The following TMEM181 variants were observed in gnomAD, a reference collection of about 807,000 sequenced individuals.
TMEM181 encodes G protein-coupled receptor 178.
TMEM181 carries 39 observed loss-of-function variants against 71.9 expected under a neutral mutation model. The ratio of observed to expected loss-of-function variants is 0.54; its 90% CI spans 0.42 to 0.71. The LOEUF (loss-of-function observed/expected upper bound fraction) is 0.71. Among genes scored for constraint, TMEM181 ranks in the 30% least tolerant of loss-of-function variants. The pLI, the probability that TMEM181 is intolerant of heterozygous loss-of-function variation, is 0.00. For missense variants in TMEM181, 595 were observed against 583.0 expected, an observed-to-expected ratio of 1.02 and a Z score of -0.21; for synonymous variants, 245 against 228.8, an observed-to-expected ratio of 1.07 and a Z score of -0.64.
chr6:158,544,186 T>A (rs369852942), intron 1 of TMEM181, among the ~76,000 whole-genome samples: 53 of 107,258 alleles, frequency 4.9e-4, no homozygotes, highest in Middle Eastern at 4.4e-3. Context: ...GGAGAGAGTG[T>A]GTGTGTGTGT....
rs368125150 is a variant in TMEM181, at chr6:158,629,849, C to A, written c.1282+30C>A. ...GCCACCCTGGGGTCTGGACTGCTGG[C>A]CAGTTAGCGGGCACAGAGGCCTGTG... is the stretch of plus-strand genomic sequence containing the variant. On this transcript the variant is annotated intron_variant, in intron 15 of 16. Transcript: ENST00000684151. 737 of 1,581,522 alleles carry A rather than the reference C, an allele frequency of 4.7e-4. 2 individuals carry two copies. The highest frequency in any genetic ancestry group is 2.3e-3 in the South Asian group (209 of 90,454).
intron 1 of TMEM181, among the ~76,000 whole-genome samples, chr6:158,554,377 C>T (rs918847744): frequency 3.1e-4 from 47 of 152,108 alleles, no homozygotes; most frequent in African/African-American, 9.9e-4. Context: ...TGAGCCACCG[C>T]GCCTGGCCAT....
At position 158,607,291 on chromosome 6, in the gene TMEM181, C is replaced by CATCGAGCAGA; in HGVS notation, c.623_632dup (p.Lys211AsnfsTer18). 1 of 1,614,188 alleles carries CATCGAGCAGA rather than the reference C, an allele frequency of 6.2e-7. No individual in the cohort carries two copies. The highest frequency in any genetic ancestry group is 8.5e-7 in the Non-Finnish European group (1 of 1,180,040). Reference sequence around the variant, plus strand: ...GGAAATTTTCCATGAGAGACTGGGGCATCGAGCAGAAGTGGATGTCTGTTC... The same window carrying CATCGAGCAGA: ...GGAAATTTTCCATGAGAGACTGGGGCATCGAGCAGAATCGAGCAGAAGTGGATGTCTGTTC... On this transcript the variant is annotated frameshift_variant, in exon 8 of 17. Coordinates refer to ENST00000684151, the MANE Select transcript of TMEM181 (RefSeq NM_001376852.1). LOFTEE classifies it high-confidence loss of function.
Position 158,632,809 on chromosome 6 carries a change from T to G in TMEM181, c.*921T>G, listed in dbSNP as rs898102488. On this transcript the variant is annotated 3_prime_UTR_variant, in exon 17 of 17. Coordinates refer to ENST00000684151, the MANE Select transcript of TMEM181 (RefSeq NM_001376852.1). ...GGGGCCAGGTGCAGTGGCTCACATC[T>G]GTAATCTCAACACTTTGGGAGGCCA... 2.0e-5 allele frequency: 3 copies of G among 152,456 alleles called. No homozygotes were observed. The highest frequency in any genetic ancestry group is 7.2e-5 in the African/African-American group (3 of 41,490). 9.4% of individuals were successfully genotyped at this position (152,456 alleles called of 1,614,324 possible). A position where few individuals can be genotyped will look rare whatever the true frequency, so the allele number is the denominator to read the frequency against.
chr6:158,602,697 C>G (rs1313712151), intron 6 of TMEM181, among the ~76,000 whole-genome samples: 1 of 151,892 alleles, frequency 6.6e-6, no homozygotes, highest in Non-Finnish European at 1.5e-5. Flanking sequence ...TGACCCTGGC[C>G]TCCTGAGTAG....
intron 6 of TMEM181, 70 bp from the exon 7 acceptor site, chr6:158,605,197 T>A: frequency 1.8e-6 from 2 of 1,126,830 alleles, no homozygotes; most frequent in African/African-American, 1.5e-5. Context: ...TAACTATTAG[T>A]AATCTGGTGT....
intron 6 of TMEM181, among the ~76,000 whole-genome samples, chr6:158,599,301 AG>A (rs1462215921): frequency 4.6e-5 from 7 of 152,168 alleles, no homozygotes; most frequent in African/African-American, 1.7e-4. Context: ...TTAATCAGGG[AG>A]GAGTGGCCCA....
In TMEM181 at chr6:158,631,925, A is replaced by G. The variant is rs1457069721; in HGVS notation, c.*37A>G. On this transcript the variant is annotated 3_prime_UTR_variant, in exon 17 of 17. Transcript: ENST00000684151. ...CCCAGCGAGGCGACAAGATGCCTGG[A>G]TGCTTTCCCCGGTGACCGTCTGCTG... 27 of 1,545,298 alleles carry G rather than the reference A, an allele frequency of 1.7e-5. No individual in the cohort carries two copies. Among genetic ancestry groups the G allele is most frequent in the Non-Finnish European group, 2.4e-5 (27 of 1,138,812 alleles).
intron 14 of TMEM181, among the ~76,000 whole-genome samples, chr6:158,628,995 G>T (rs1254587849): frequency 6.6e-6 from 1 of 152,190 alleles, no homozygotes; most frequent in Non-Finnish European, 1.5e-5. Context: ...GTGGCAGGTT[G>T]AGCCTGTGTC....
intron 10 of TMEM181, among the ~76,000 whole-genome samples, chr6:158,613,176 C>T (rs1047779520): frequency 9.2e-5 from 14 of 152,164 alleles, no homozygotes; most frequent in African/African-American, 3.4e-4. Flanking sequence ...GTAATTTAAA[C>T]TGTCGAAAAC....
intron 13 of TMEM181, 161 bp from the exon 14 acceptor site, chr6:158,628,247 T>TGTGCATCTGTGC (rs753804043): frequency 2.8e-6 from 2 of 723,966 alleles, no homozygotes; most frequent in Non-Finnish European, 4.9e-6. Context: ...TGTGTGCATG[T>TGTGCATCTGTGC]GTGCATCTGT....
intron 6 of TMEM181, among the ~76,000 whole-genome samples, chr6:158,597,956 A>T (rs953410588): frequency 3.9e-5 from 6 of 152,204 alleles, no homozygotes; most frequent in African/African-American, 1.2e-4. Flanking sequence ...CAACTGTAGC[A>T]AGTGGTGCTC....
In TMEM181 at chr6:158,585,286, A is replaced by T; in HGVS notation, c.260-18A>T. 6.3e-7 allele frequency: 1 copy of T among 1,589,272 alleles called. No individual in the cohort carries two copies. The highest frequency in any genetic ancestry group is 8.6e-7 in the Non-Finnish European group (1 of 1,169,232). On this transcript the variant is annotated intron_variant, in intron 4 of 16. Coordinates refer to ENST00000684151, the MANE Select transcript of TMEM181 (RefSeq NM_001376852.1). ...GTGCCTGGCATGGTCTCTAACACTGAATTTTTTTCTTTTGTAGAAACTTCT... is the reference window on the plus strand; with the variant it reads ...GTGCCTGGCATGGTCTCTAACACTGTATTTTTTTCTTTTGTAGAAACTTCT...
Position 158,589,858 on chromosome 6 carries a change from A to G in TMEM181, c.492+76A>G, listed in dbSNP as rs1026139250. On this transcript the variant is annotated intron_variant, in intron 6 of 16. Coordinates refer to ENST00000684151, the MANE Select transcript of TMEM181 (RefSeq NM_001376852.1). ...ATTCTTTGTTCAATGATTGAAATACATCTCAGCATCTAAATAATGTTAATT... is the reference window on the plus strand; with the variant it reads ...ATTCTTTGTTCAATGATTGAAATACGTCTCAGCATCTAAATAATGTTAATT... The G allele has an allele frequency of 9.7e-6, 10 of 1,035,580 alleles. No homozygotes were observed. The African/African-American group carries it at 1.4e-4, about 15-fold the overall frequency. 64.1% of individuals were successfully genotyped at this position (1,035,580 alleles called of 1,614,324 possible).
rs1419284989 is a variant in TMEM181 at position 158,633,160 on chromosome 6, G to T, written c.*1272G>T. ...TAAAACTCATATTTGGAAGCAAAAT[G>T]AAAAGCAAGTAAAATGTTTTAAATG... On this transcript the variant is annotated 3_prime_UTR_variant, in exon 17 of 17. Transcript: ENST00000684151. 6.6e-6 allele frequency: 1 copy of T among 152,210 alleles called. No homozygotes were observed. The highest frequency in any genetic ancestry group is 1.5e-5 in the Non-Finnish European group (1 of 68,038). 9.4% of individuals were successfully genotyped at this position (152,210 alleles called of 1,614,324 possible). A position where few individuals can be genotyped will look rare whatever the true frequency, so the allele number is the denominator to read the frequency against.
intron 2 of TMEM181, 75 bp from the exon 3 acceptor site, chr6:158,580,865 C>A: frequency 1.4e-6 from 2 of 1,415,890 alleles, no homozygotes; most frequent in Non-Finnish European, 2.0e-6. Context: ...GTGAGTCTTT[C>A]TTGGAATTTG....
At chr6:158,554,602 AC>A (rs1190197511) in intron 1 of TMEM181, among the ~76,000 whole-genome samples, 2 of 152,244 alleles carry the variant, frequency 1.3e-5, no homozygotes, top group African/African-American at 4.8e-5. Context: ...GTTTCCAACA[AC>A]CTATTCACAA....
chr6:158,589,184 T>TGGAGAGAGCA (rs1381355202), intron 5 of TMEM181, among the ~76,000 whole-genome samples: 16 of 152,094 alleles, frequency 1.1e-4, no homozygotes, highest in African/African-American at 3.9e-4. Context: ...GAGAGCAGGA[T>TGGAGAGAGCA]GGAGAGGAAA....
chr6:158,563,728 C>T (rs764330560), intron 1 of TMEM181, among the ~76,000 whole-genome samples: 3 of 152,244 alleles, frequency 2.0e-5, no homozygotes, highest in Non-Finnish European at 4.4e-5. Context: ...ATGAACTCAC[C>T]AGTCCTTGGG....
Sources: gnomAD v4.1 joint callset for allele counts (sites outside exome capture counted in the v4.1 genomes callset) on GRCh38, gnomAD v4.1.1 for gene constraint, MANE v1.5 for transcripts, NCBI Gene and HGNC (gene_info 2026-07-23, HGNC 2026-07-21) for gene names.